The following HECW1 variants were observed in gnomAD, a reference collection of about 807,000 sequenced individuals.
The protein encoded by HECW1 is E3 ubiquitin-protein ligase HECW1.
In HECW1, 61 loss-of-function variants were observed where a neutral mutation model predicts 182.3. The ratio of observed to expected loss-of-function variants is 0.33; its 90% confidence interval spans 0.27 to 0.41. The LOEUF (loss-of-function observed/expected upper bound fraction) is 0.41. Among genes scored for constraint, HECW1 ranks in the 10% least tolerant of loss-of-function variants. The pLI is 1.00. For missense variants in HECW1, 1,739 were observed against 2,108.9 expected, an observed-to-expected ratio of 0.82 and a Z score of 3.44; for synonymous variants, 859 against 832.6, an observed-to-expected ratio of 1.03 and a Z score of -0.55.
chr7:43,170,920 G>T (rs1181510142), intron 2 of HECW1, among the ~76,000 whole-genome samples: 1 of 152,154 alleles, frequency 6.6e-6, no homozygotes, highest in Non-Finnish European at 1.5e-5. Context: ...AAAGAAAAAC[G>T]TTTGTGCAAA....
chr7:43,532,496 G>A (rs964776377), intron 24 of HECW1, among the ~76,000 whole-genome samples: 15 of 152,202 alleles, frequency 9.9e-5, no homozygotes, highest in East Asian at 1.9e-4. Context: ...TGCCAAGTCC[G>A]GCATGATCTA....
intron 19 of HECW1, among the ~76,000 whole-genome samples, chr7:43,500,395 G>A (rs1055599354): frequency 5.9e-5 from 9 of 152,014 alleles, no homozygotes; most frequent in African/African-American, 9.7e-5. Flanking sequence ...ACTGTGCCCC[G>A]CCCCAGAACA....
intron 8 of HECW1, among the ~76,000 whole-genome samples, chr7:43,416,699 C>G (rs1033130107): frequency 1.4e-5 from 2 of 145,658 alleles, no homozygotes; most frequent in African/African-American, 5.0e-5. Context: ...GGCGTAGGAC[C>G]CTCCGAGACA....
chr7:43,543,798 A>AG, intron 26 of HECW1, among the ~76,000 whole-genome samples: 1 of 151,346 alleles, frequency 6.6e-6, no homozygotes, highest in Admixed American at 6.6e-5. Flanking sequence ...AAAAAAAAAA[A>AG]GAAAAAAAAA....
intron 3 of HECW1, 187 bp from the exon 4 acceptor site, chr7:43,311,575 TC>T (rs991802540): frequency 2.6e-6 from 2 of 761,354 alleles, no homozygotes; most frequent in Non-Finnish European, 2.4e-6. Context: ...GTTCTTGCTG[TC>T]CCCGTGTGAA....
At chr7:43,296,702 G>A (rs936380364) in intron 3 of HECW1, among the ~76,000 whole-genome samples, 2 of 152,178 alleles carry the variant, frequency 1.3e-5, no homozygotes, top group South Asian at 2.1e-4. Flanking sequence ...ATGGAAAAAA[G>A]TAAGGCTGAT....
chr7:43,147,764 G>A lies in HECW1; in HGVS notation c.-32+33373G>A, dbSNP rs192092374. On this transcript the variant is annotated intron_variant, in intron 2 of 29. Coordinates refer to ENST00000395891, the MANE Select transcript of HECW1 (RefSeq NM_015052.5). The stretch of plus-strand genomic sequence containing the variant: ...TGTGTATCAGGAGAGTTTCAGCTGC[G>A]AAGGGACTGGCCATTGGCCACAGTA... Among the ~76,000 whole-genome samples, 251 of 152,258 alleles carry A rather than the reference G, an allele frequency of 1.6e-3. 1 individual carries two copies. Among genetic ancestry groups the A allele is most frequent in the African/African-American group, 5.8e-3 (242 of 41,538 alleles).
intron 2 of HECW1, among the ~76,000 whole-genome samples, chr7:43,210,095 G>A (rs1008823186): frequency 1.3e-5 from 2 of 152,132 alleles, no homozygotes; most frequent in African/African-American, 4.8e-5. Context: ...TTCCTGGCCT[G>A]AGCGGACCCA....
intron 7 of HECW1, among the ~76,000 whole-genome samples, chr7:43,401,565 A>T: frequency 1.1e-5 from 1 of 90,140 alleles, no homozygotes; most frequent in Non-Finnish European, 2.3e-5. Flanking sequence ...TCATTTAAAA[A>T]GGTTTTTTTT....
intron 2 of HECW1, among the ~76,000 whole-genome samples, chr7:43,187,297 C>G (rs556278139): frequency 6.6e-6 from 1 of 152,164 alleles, no homozygotes; most frequent in Non-Finnish European, 1.5e-5. Context: ...CTACTCTATT[C>G]TCTTCACTAG....
At chr7:43,231,056 CT>C (rs1266186081) in intron 2 of HECW1, among the ~76,000 whole-genome samples, 1 of 152,192 alleles carries the variant, frequency 6.6e-6, no homozygotes, top group Admixed American at 6.5e-5. Context: ...CTTTAGTCCT[CT>C]GCATTTATTT....
chr7:43,221,515 A>T (rs1246543641), intron 2 of HECW1, among the ~76,000 whole-genome samples: 1 of 144,822 alleles, frequency 6.9e-6, no homozygotes, highest in Non-Finnish European at 1.5e-5. Context: ...GTATTTGCTA[A>T]ACTAAATGTC....
chr7:43,509,159 T>A (rs758531616), intron 24 of HECW1, 38 bp downstream of exon 24: 2 of 1,599,808 alleles, frequency 1.3e-6, no homozygotes, highest in Non-Finnish European at 1.7e-6. Flanking sequence ...TATTTGAAAG[T>A]TCTCCTCTTT....
rs199867554 is a variant in HECW1 at position 43,469,121 on chromosome 7, G to T, written c.3099+16G>T. ...GCAGGGAAAGGTGAGTGTGACCCAC[G>T]TGCGGGGCTTTCATCAAACAGGCTC... On this transcript the variant is annotated intron_variant, in intron 16 of 29. Coordinates refer to ENST00000395891, the MANE Select transcript of HECW1 (RefSeq NM_015052.5). 409 of 1,611,100 alleles carry T rather than the reference G, an allele frequency of 2.5e-4. 1 individual carries two copies. In the African/African-American group the frequency reaches 4.4e-3, roughly 17 times the overall value.
At position 43,509,044 on chromosome 7, in the gene HECW1, C is replaced by T. The variant is rs780344177; in HGVS notation, c.3942C>T (p.Leu1314=). ...SQELFNPYYG[L]FEYSANDTYT... is the part of the protein sequence containing the mutation. ...AGCTCTTCAACCCTTACTATGGACT[C>T]TTTGAGTACTCGGCAAATGATACTT... Residue 1314 remains leucine, a synonymous_variant, in exon 24 of 30, where the codon CTC becomes CTT. Coordinates refer to ENST00000395891, the MANE Select transcript of HECW1 (RefSeq NM_015052.5). 1 of 1,614,160 alleles carries T rather than the reference C, an allele frequency of 6.2e-7. No individual in the cohort carries two copies. The highest frequency in any genetic ancestry group is 1.1e-5 in the South Asian group (1 of 91,086).
intron 26 of HECW1, among the ~76,000 whole-genome samples, chr7:43,543,195 C>T (rs548587763): frequency 6.6e-6 from 1 of 152,262 alleles, no homozygotes; most frequent in South Asian, 2.1e-4. Flanking sequence ...AAGTCTGTGA[C>T]ATAAGGTAAT....
intron 2 of HECW1, among the ~76,000 whole-genome samples, chr7:43,126,041 C>T (rs771281065): frequency 7.2e-6 from 1 of 139,476 alleles, no homozygotes; most frequent in Non-Finnish European, 1.5e-5. Flanking sequence ...AAATGCAAGG[C>T]GTGCGTGTAT....
chr7:43,186,429 AG>A (rs1179985714), intron 2 of HECW1, among the ~76,000 whole-genome samples: 1 of 152,136 alleles, frequency 6.6e-6, no homozygotes, highest in Non-Finnish European at 1.5e-5. Flanking sequence ...GCACTTTGGG[AG>A]GCCGAGGCGG....
chr7:43,322,985 G>A (rs891180267), intron 5 of HECW1, among the ~76,000 whole-genome samples: 4 of 152,148 alleles, frequency 2.6e-5, no homozygotes, highest in African/African-American at 9.7e-5. Context: ...TATTAAGGAA[G>A]AGGAAATCCT....
Sources: allele counts gnomAD v4.1 joint callset (sites outside exome capture counted in the v4.1 genomes callset), GRCh38; gene constraint gnomAD v4.1.1; transcripts MANE v1.5; gene names NCBI Gene and HGNC (gene_info 2026-07-23, HGNC 2026-07-21).